WWOX: variants seen among roughly 807,000 people sequenced by gnomAD.
The protein encoded by WWOX is WW domain-containing oxidoreductase.
Under a neutral mutation model 46.2 loss-of-function variants are expected in WWOX, and 69 were observed. That is an observed-to-expected ratio of 1.49 (90% CI 1.23 to 1.82). The LOEUF (loss-of-function observed/expected upper bound fraction) is 1.82. Among genes scored for constraint, WWOX ranks in the 40% most tolerant of loss-of-function variants. The pLI, the probability that WWOX is intolerant of heterozygous loss-of-function variation, is 0.00. For missense variants in WWOX, 919 were observed against 542.6 expected (o/e 1.69, Z -6.89); for synonymous variants, 359 against 202.6 (o/e 1.77, Z -6.56).
Position 78,745,859 on chromosome 16 carries a change from T to G in WWOX, c.1056+313107T>G, listed in dbSNP as rs16948436. The stretch of plus-strand genomic sequence containing the variant: ...AAATGGTTGGTGTAGATCATCTAGT[T>G]TGGAAAAAGCACATTGTATTTTAAT... On this transcript the variant is annotated intron_variant, in intron 8 of 8. Coordinates refer to ENST00000566780, the MANE Select transcript of WWOX (RefSeq NM_016373.4). Among the ~76,000 whole-genome samples the G allele has an allele frequency of 9.0e-3, 1,366 of 151,474 alleles. 22 individuals carry two copies. Among genetic ancestry groups the G allele is most frequent in the African/African-American group, 0.032 (1,307 of 41,220 alleles).
intron 8 of WWOX, among the ~76,000 whole-genome samples, chr16:79,010,554 G>C (rs371595845): frequency 2.0e-5 from 3 of 152,144 alleles, no homozygotes; most frequent in African/African-American, 7.2e-5. Flanking sequence ...GTGTGGCAAA[G>C]AAACAGACAA....
At chr16:78,755,546 A>G (rs367600504) in intron 8 of WWOX, among the ~76,000 whole-genome samples, 2 of 152,288 alleles carry the variant, frequency 1.3e-5, no homozygotes, top group South Asian at 2.1e-4. Context: ...GTAATATCAA[A>G]TAATTCTACA....
At chr16:78,721,375 T>C (rs2048685312) in intron 8 of WWOX, among the ~76,000 whole-genome samples, 1 of 152,240 alleles carries the variant, frequency 6.6e-6, no homozygotes, top group African/African-American at 2.4e-5. Flanking sequence ...GGTCTGTATT[T>C]AAAAATCTGT....
At chr16:79,094,328 G>A (rs547473539) in intron 8 of WWOX, among the ~76,000 whole-genome samples, 2 of 149,738 alleles carry the variant, frequency 1.3e-5, no homozygotes, top group African/African-American at 2.5e-5. Flanking sequence ...ATCTCGGCTC[G>A]CTGCAAACTC....
chr16:78,703,808 G>C (rs1051609056), intron 8 of WWOX, among the ~76,000 whole-genome samples: 3 of 152,030 alleles, frequency 2.0e-5, no homozygotes, highest in African/African-American at 7.2e-5. Flanking sequence ...TTTATGCTCT[G>C]AGTTGCTGGT....
intron 8 of WWOX, among the ~76,000 whole-genome samples, chr16:78,875,240 G>A (rs996121285): frequency 4.6e-5 from 7 of 152,080 alleles, no homozygotes; most frequent in South Asian, 2.1e-4. Flanking sequence ...GATGTTCACC[G>A]CTTCTTTAGG....
At chr16:78,226,185 T>TG (rs909379765) in intron 5 of WWOX, among the ~76,000 whole-genome samples, 1 of 152,162 alleles carries the variant, frequency 6.6e-6, no homozygotes, top group African/African-American at 2.4e-5. Flanking sequence ...CTGAGCCCTT[T>TG]GGGGTAACTT....
At chr16:78,782,763 C>T (rs2050361907) in intron 8 of WWOX, among the ~76,000 whole-genome samples, 1 of 150,206 alleles carries the variant, frequency 6.7e-6, no homozygotes, top group Admixed American at 6.6e-5. Context: ...ACAGAAGTCT[C>T]ATATGCTGTA....
chr16:78,778,886 A>G (rs868855152), intron 8 of WWOX, among the ~76,000 whole-genome samples: 13 of 152,112 alleles, frequency 8.5e-5, no homozygotes, highest in Admixed American at 8.5e-4. Flanking sequence ...AGCAGTGTTC[A>G]TTTTCCCATA....
chr16:79,211,739 C>T lies in WWOX; in HGVS notation c.1188C>T (p.Thr396=). The part of the protein sequence containing the change: ...PEAQSEETAR[T]LWALSERLIQ... ...CTCAGAGCGAAGAGACGGCCCGGAC[C>T]CTGTGGGCGCTCAGCGAGAGGCTGA... The change falls in exon 9 of 9, where the codon ACC becomes ACT. Residue 396 remains threonine (T), a synonymous_variant. Coordinates refer to ENST00000566780, the MANE Select transcript of WWOX (RefSeq NM_016373.4). The T allele has an allele frequency of 1.9e-6, 3 of 1,614,224 alleles. No individual in the cohort carries two copies. Among genetic ancestry groups the T allele is most frequent in the Non-Finnish European group, 2.5e-6 (3 of 1,180,038 alleles).
In WWOX at chr16:78,594,435, C is replaced by T. The variant is rs1455586997; in HGVS notation, c.1056+161683C>T. ...CGAAGAAGACTGAGGAAAGGCCCCCCCCCCCCCCCCGCCAAATTGTCCCGT... is the reference window on the plus strand; with the variant it reads ...CGAAGAAGACTGAGGAAAGGCCCCCTCCCCCCCCCCGCCAAATTGTCCCGT... On this transcript the variant is annotated intron_variant, in intron 8 of 8. Coordinates refer to ENST00000566780, the MANE Select transcript of WWOX (RefSeq NM_016373.4). Among the ~76,000 whole-genome samples the T allele has an allele frequency of 8.0e-5, 5 of 62,600 alleles. 1 individual carries two copies. The highest frequency in any genetic ancestry group is 1.8e-4 in the Non-Finnish European group (5 of 28,562). The allele number at this position is 62,600 out of a possible 152,430, so 41.1% of individuals were successfully genotyped here.
At chr16:78,872,168 G>C (rs1787310532) in intron 8 of WWOX, among the ~76,000 whole-genome samples, 1 of 152,166 alleles carries the variant, frequency 6.6e-6, no homozygotes, top group South Asian at 2.1e-4. Flanking sequence ...TTTTAGAGAC[G>C]ATGTCTAACA....
At chr16:78,160,269 ACC>A (rs1323893261) in intron 4 of WWOX, among the ~76,000 whole-genome samples, 3 of 151,808 alleles carry the variant, frequency 2.0e-5, no homozygotes, top group Admixed American at 6.6e-5. Context: ...AGTAGCTGGG[ACC>A]ACAGGTGTGC....
chr16:78,332,401 A>C (rs11863231), intron 5 of WWOX, among the ~76,000 whole-genome samples: 58,705 of 152,032 alleles, frequency 0.39, 13,952 homozygotes, highest in African/African-American at 0.63. Context: ...ATCTGAGGGC[A>C]CGGGACACTC....
At chr16:78,667,272 A>C (rs532837445) in intron 8 of WWOX, among the ~76,000 whole-genome samples, 1 of 152,180 alleles carries the variant, frequency 6.6e-6, no homozygotes, top group African/African-American at 2.4e-5. Context: ...GCAGAGCTGT[A>C]AGTCTCTTTT....
intron 8 of WWOX, among the ~76,000 whole-genome samples, chr16:78,491,108 C>G (rs948518288): frequency 6.6e-6 from 1 of 152,202 alleles, no homozygotes; most frequent in African/African-American, 2.4e-5. Flanking sequence ...CCGAGGCTGC[C>G]TGCCATGCTC....
intron 8 of WWOX, among the ~76,000 whole-genome samples, chr16:78,823,532 A>G (rs1177101789): frequency 3.9e-5 from 6 of 152,212 alleles, no homozygotes; most frequent in African/African-American, 1.2e-4. Context: ...GTAATCGCAT[A>G]TAGCATTCTA....
chr16:78,253,375 T>C (rs2038036563), intron 5 of WWOX, among the ~76,000 whole-genome samples: 1 of 152,220 alleles, frequency 6.6e-6, no homozygotes, highest in Admixed American at 6.5e-5. Context: ...TTGCATGTGC[T>C]TCGACTTTCA....
At chr16:78,605,464 G>A (rs1433655926) in intron 8 of WWOX, among the ~76,000 whole-genome samples, 1 of 151,922 alleles carries the variant, frequency 6.6e-6, no homozygotes, top group African/African-American at 2.4e-5. Flanking sequence ...GACCACTCCA[G>A]CCTATTTTTT....
Sources: gnomAD v4.1 joint callset for allele counts (sites outside exome capture counted in the v4.1 genomes callset) on GRCh38, gnomAD v4.1.1 for gene constraint, MANE v1.5 for transcripts, NCBI Gene and HGNC (gene_info 2026-07-23, HGNC 2026-07-21) for gene names.